The following KIAA0586 variants were observed in gnomAD, a reference collection of about 807,000 sequenced individuals.
KIAA0586 encodes the protein protein TALPID3.
KIAA0586 carries 144 observed loss-of-function variants against 169.8 expected under a neutral mutation model. The observed-to-expected ratio is 0.85, with a 90% CI of 0.74 to 0.97. KIAA0586 has a LOEUF of 0.97. Ranked by LOEUF, KIAA0586 falls within the 50% of genes least tolerant of loss-of-function variation. KIAA0586 has a pLI of 0.00. For missense variants in KIAA0586, 1,854 were observed against 1,823.0 expected (o/e 1.02, Z -0.31); for synonymous variants, 625 against 612.4 (o/e 1.02, Z -0.30).
At chr14:58,487,235 A>G in intron 22 of KIAA0586, 69 bp downstream of exon 22, 1 of 1,287,380 alleles carries the variant, frequency 7.8e-7, no homozygotes, top group South Asian at 1.5e-5. Flanking sequence ...TTGTATATGT[A>G]CTTGTTGCTT....
chr14:58,480,955 T>C (rs1455597364), intron 20 of KIAA0586, among the ~76,000 whole-genome samples: 7 of 152,246 alleles, frequency 4.6e-5, no homozygotes. Context: ...TTGTGTTTGC[T>C]TTTGTTTTGC....
At chr14:58,444,872 T>G (rs895361207) in intron 6 of KIAA0586, among the ~76,000 whole-genome samples, 2 of 137,066 alleles carry the variant, frequency 1.5e-5, no homozygotes, top group African/African-American at 5.6e-5. Context: ...AGGCCGAGAG[T>G]TCAAGATAAG....
chr14:58,468,997 G>A (rs752819025), intron 16 of KIAA0586, among the ~76,000 whole-genome samples: 2 of 151,972 alleles, frequency 1.3e-5, no homozygotes. Context: ...TGGAGCTGTC[G>A]GATGCCACCA....
chr14:58,487,661 G>A (rs1458984706), intron 22 of KIAA0586, among the ~76,000 whole-genome samples: 2 of 151,882 alleles, frequency 1.3e-5, no homozygotes, highest in South Asian at 2.1e-4. Context: ...TTAAGTATAT[G>A]GTGGTATTAA....
At chr14:58,446,924 A>T (rs2038949667) in intron 6 of KIAA0586, among the ~76,000 whole-genome samples, 1 of 152,148 alleles carries the variant, frequency 6.6e-6, no homozygotes, top group African/African-American at 2.4e-5. Context: ...GTTGTTCAGG[A>T]TAAAATGAGA....
chr14:58,432,242 A>G lies in KIAA0586; in HGVS notation c.341-146A>G, dbSNP rs189843015. 211 of 573,254 alleles carry G rather than the reference A, an allele frequency of 3.7e-4. No individual in the cohort carries two copies. The African/African-American group carries it at 3.9e-3, about 11-fold the overall frequency. The allele number at this position is 573,254 out of a possible 1,614,324, so 35.5% of individuals were successfully genotyped here. A position where few individuals can be genotyped will look rare whatever the true frequency, so the allele number is the denominator to read the frequency against. On this transcript the variant is annotated intron_variant, in intron 3 of 30. Coordinates refer to ENST00000652326, the MANE Select transcript of KIAA0586 (RefSeq NM_001329943.3). The stretch of plus-strand genomic sequence containing the variant: ...GATTATATTATTACTTAATCACTTA[A>G]TTTGTTCCTTGTCCTTTTCGATCGT...
the KIAA0586 span, among the ~76,000 whole-genome samples, chr14:58,557,901 C>CTTTTTTTTTTTT: frequency 3.3e-3 from 141 of 42,508 alleles, 30 homozygotes; most frequent in African/African-American, 6.1e-3. Flanking sequence ...CCTGAGAAAT[C>CTTTTTTTTTTTT]TTTTTTTTTT....
intron 6 of KIAA0586, among the ~76,000 whole-genome samples, chr14:58,444,915 GAAAAAAAA>G (rs869127762): frequency 8.9e-6 from 1 of 111,988 alleles, no homozygotes; most frequent in Non-Finnish European, 1.8e-5. Flanking sequence ...CATCTCTTAG[GAAAAAAAA>G]AAAAAAAAAA....
At chr14:58,475,227 C>T (rs1394932087) in intron 19 of KIAA0586, among the ~76,000 whole-genome samples, 3 of 152,176 alleles carry the variant, frequency 2.0e-5, no homozygotes, top group Non-Finnish European at 1.5e-5. Context: ...CTGAGCTCCA[C>T]CTCCTGTCAG....
In KIAA0586 at chr14:58,499,360, C is replaced by T. The variant is rs2043388783; in HGVS notation, c.4168+400C>T. ...CTCTGCCTCCCGAGTTCACCCCATT[C>T]TCCTGCCTCAGCCTCCCGAGCAGCT... On this transcript the variant is annotated intron_variant, in intron 27 of 30. Coordinates refer to ENST00000652326, the MANE Select transcript of KIAA0586 (RefSeq NM_001329943.3). Among the ~76,000 whole-genome samples the T allele has an allele frequency of 2.0e-5, 3 of 152,028 alleles. No individual in the cohort carries two copies. The South Asian group carries it at 6.2e-4, about 32-fold the overall frequency.
intron 21 of KIAA0586, among the ~76,000 whole-genome samples, chr14:58,483,825 A>G (rs774734288): frequency 3.3e-5 from 5 of 152,220 alleles, no homozygotes; most frequent in African/African-American, 9.6e-5. Flanking sequence ...ATCATTTTAT[A>G]TACATGAAAC....
chr14:58,537,088 C>A, intron 29 of KIAA0586: 1 of 1,230,912 alleles, frequency 8.1e-7, no homozygotes, highest in Non-Finnish European at 1.0e-6. Context: ...AGTTGTAGGC[C>A]GTGTTTGCTG....
chr14:58,443,547 C>T (rs931670453), intron 5 of KIAA0586, among the ~76,000 whole-genome samples: 1 of 152,070 alleles, frequency 6.6e-6, no homozygotes, highest in Non-Finnish European at 1.5e-5. Context: ...CTCAGCCTCC[C>T]GAGTAGCTGG....
intron 29 of KIAA0586, among the ~76,000 whole-genome samples, chr14:58,530,382 A>C (rs1470480157): frequency 6.6e-6 from 1 of 152,230 alleles, no homozygotes; most frequent in Non-Finnish European, 1.5e-5. Context: ...CCATATAGCC[A>C]AGACAGTCCT....
chr14:58,504,635 GATTA>G (rs367868019), intron 27 of KIAA0586, among the ~76,000 whole-genome samples: 3 of 152,076 alleles, frequency 2.0e-5, no homozygotes, highest in African/African-American at 7.2e-5. Flanking sequence ...TTCTAGTTAT[GATTA>G]ATTAAATTAA....
At chr14:58,428,698 A>G (rs1316176264) in intron 1 of KIAA0586, among the ~76,000 whole-genome samples, 2 of 114,442 alleles carry the variant, frequency 1.7e-5, no homozygotes, top group Admixed American at 9.2e-5. Flanking sequence ...TGACTTTTGC[A>G]TATTTTTTTT....
At chr14:58,440,191 C>T (rs1483806208) in intron 4 of KIAA0586, 2 of 449,082 alleles carry the variant, frequency 4.5e-6, no homozygotes, top group Non-Finnish European at 9.0e-6. Flanking sequence ...CTAATTCAGG[C>T]TTCTTAATAA....
In KIAA0586 at chr14:58,547,761, T is replaced by C; in HGVS notation, c.4496-20T>C. The C allele has an allele frequency of 6.3e-7, 1 of 1,585,772 alleles. No homozygotes were observed. Among genetic ancestry groups the C allele is most frequent in the Non-Finnish European group, 8.6e-7 (1 of 1,160,654 alleles). ...CTCAGGTTACGCATGTTGAGCTGAA[T>C]GAGCTTCTCCTTTGTGCAGGTGGGA... On this transcript the variant is annotated intron_variant, in intron 30 of 30. Transcript: ENST00000652326.
intron 26 of KIAA0586, among the ~76,000 whole-genome samples, chr14:58,493,920 C>A (rs1165651414): frequency 1.3e-5 from 2 of 151,992 alleles, no homozygotes; most frequent in Non-Finnish European, 2.9e-5. Context: ...ATGAGACAAG[C>A]AAATGGTACA....
Sources: gnomAD v4.1 joint callset for allele counts (sites outside exome capture counted in the v4.1 genomes callset) on GRCh38, gnomAD v4.1.1 for gene constraint, MANE v1.5 for transcripts, NCBI Gene and HGNC (gene_info 2026-07-23, HGNC 2026-07-21) for gene names.